GDF5: variants seen among roughly 807,000 people sequenced by gnomAD.
GDF5 encodes growth differentiation factor 5.
A neutral mutation model predicts 34.6 loss-of-function variants in GDF5; 17 were observed. The ratio of observed to expected loss-of-function variants is 0.49; its 90% confidence interval spans 0.34 to 0.74. The LOEUF (loss-of-function observed/expected upper bound fraction) is 0.74, where lower values mean the gene tolerates loss of function less well. GDF5 is among the 30% of genes least tolerant of loss of function. The pLI is 0.01. For missense variants in GDF5, 616 were observed against 661.2 expected (o/e 0.93, Z 0.75); for synonymous variants, 332 against 290.7 (o/e 1.14, Z -1.44).
In GDF5 at chr20:35,434,692, G is replaced by C. The variant is rs759496800; in HGVS notation, c.723C>G (p.Ile241Met). 10 of 1,612,958 alleles carry C rather than the reference G, an allele frequency of 6.2e-6. No individual in the cohort carries two copies. The South Asian group carries it at 9.9e-5, about 16-fold the overall frequency. Reference sequence around the variant, plus strand: ...CCGTGTCCGAGGGCTTCTTCCGCAAGATCCGCAGCTCGGCCCCCAGCAGCC... The same window carrying C: ...CCGTGTCCGAGGGCTTCTTCCGCAACATCCGCAGCTCGGCCCCCAGCAGCC... Reference protein sequence around the residue: ...KDGLLGAELRILRKKPSDTAK... With the variant: ...KDGLLGAELRMLRKKPSDTAK... Residue 241 changes from isoleucine to methionine, a missense_variant, in exon 2 of 2, where the codon ATC (isoleucine) becomes ATG (methionine). By Grantham distance (10) the Ile-to-Met change is conservative. Transcript: ENST00000374369.
intron 1 of GDF5, among the ~76,000 whole-genome samples, chr20:35,436,099 C>T (rs1007851469): frequency 1.1e-4 from 16 of 152,178 alleles, no homozygotes; most frequent in African/African-American, 3.9e-4. Flanking sequence ...ATCAGCATGC[C>T]CTCCTTCCTA....
chr20:35,443,861 G>T (rs2062505892), intron 1 of GDF5, among the ~76,000 whole-genome samples: 2 of 152,168 alleles, frequency 1.3e-5, no homozygotes, highest in East Asian at 3.9e-4. Flanking sequence ...TGAGTAAACA[G>T]TGAACTGAGT....
chr20:35,435,450 TAAAAAAAAAAAAAAAAAAAAAAAAAAAAA>T lies in GDF5; in HGVS notation c.632-696_632-668del, dbSNP rs398035630. 9.3e-3 allele frequency: 251 copies of T among 26,976 alleles called. 3 individuals carry two copies. Among genetic ancestry groups the T allele is most frequent in the African/African-American group, 0.034 (234 of 6,980 alleles). The allele number at this position is 26,976 out of a possible 1,614,324, so 1.7% of individuals were successfully genotyped here. A position where few individuals can be genotyped will look rare whatever the true frequency, so the allele number is the denominator to read the frequency against. On this transcript the variant is annotated intron_variant, in intron 1 of 1. Transcript: ENST00000374369. ...CTGGGCAACAGAGAAAGACCCTGGC[TAAAAAAAAAAAAAAAAAAAAAAAAAAAAA>T]AAAAAAAAAAAAAAAAAAATACACG...
upstream of GDF5, among the ~76,000 whole-genome samples, chr20:35,438,824 C>CGCGTGTGTGTGTGTGT (rs1196886737): frequency 7.9e-6 from 1 of 126,406 alleles, no homozygotes; most frequent in Admixed American, 8.4e-5. Flanking sequence ...ATTTGTTATG[C>CGCGTGTGTGTGTGTGT]GTGTGTGTGT....
rs1236978466 is a variant in GDF5, at chr20:35,438,207, GC to G, written c.-280del. On this transcript the variant is annotated 5_prime_UTR_variant, in exon 1 of 2. Coordinates refer to ENST00000374369, the MANE Select transcript of GDF5 (RefSeq NM_000557.5). ...CGTTCTTGAAAGGAGAAAGCCGACCGCCCCCTTTCTCCTGCACAACTGACTG... is the reference window on the plus strand; with the variant it reads ...CGTTCTTGAAAGGAGAAAGCCGACCGCCCCTTTCTCCTGCACAACTGACTG... 4 of 502,080 alleles carry G rather than the reference GC, an allele frequency of 8.0e-6. No individual in the cohort carries two copies. Among genetic ancestry groups the G allele is most frequent in the African/African-American group, 1.9e-5 (1 of 51,966 alleles). The allele number at this position is 502,080 out of a possible 1,614,324, so 31.1% of individuals were successfully genotyped here.
In GDF5 at chr20:35,433,808, G is replaced by A; in HGVS notation, c.*101C>T. ...TGGAATCCCCTTTCACCCAAGCTGT[G>A]TAGATGCTCCTGCCACAGCTTCCTG... is the stretch of plus-strand genomic sequence containing the variant. On this transcript the variant is annotated 3_prime_UTR_variant, in exon 2 of 2. Coordinates refer to ENST00000374369, the MANE Select transcript of GDF5 (RefSeq NM_000557.5). 1.0e-6 allele frequency: 1 copy of A among 1,001,044 alleles called. No individual in the cohort carries two copies. The highest frequency in any genetic ancestry group is 2.4e-5 in the East Asian group (1 of 42,202). 62.0% of individuals were successfully genotyped at this position (1,001,044 alleles called of 1,614,324 possible).
chr20:35,437,578 A>C lies in GDF5; in HGVS notation c.351T>G (p.Ala117=). 1 of 1,614,108 alleles carries C rather than the reference A, an allele frequency of 6.2e-7. No homozygotes were observed. Among genetic ancestry groups the C allele is most frequent in the East Asian group, 2.2e-5 (1 of 44,866 alleles). Residue 117 remains alanine (A), a synonymous_variant, in exon 1 of 2, where the codon GCT becomes GCG. Coordinates refer to ENST00000374369, the MANE Select transcript of GDF5 (RefSeq NM_000557.5). ...KPGHPPQTRQ[A]TARTVTPKGQ... The stretch of plus-strand genomic sequence containing the variant: ...CTTTTGGGGTCACAGTCCGGGCTGT[A>C]GCCTGCCTTGTTTGGGGAGGGTGTC...
Position 35,437,397 on chromosome 20 carries a change from T to C in GDF5, c.532A>G (p.Arg178Gly), listed in dbSNP as rs1568733322. ...TTTCTGTCAGCATCGGACAGCGTCC[T>C]GTACAGCGAGAGCATGTACTCGTGG... is the stretch of plus-strand genomic sequence containing the variant. ...TPHEYMLSLYRTLSDADRKGG... is the reference protein window; with the variant it reads ...TPHEYMLSLYGTLSDADRKGG... The change falls in exon 1 of 2, where the codon AGG becomes GGG. Residue 178 changes from arginine (R) to glycine (G), a missense_variant. Physicochemically the swap from Arg to Gly is moderately radical, Grantham distance 125. Transcript: ENST00000374369. The C allele has an allele frequency of 6.2e-7, 1 of 1,613,626 alleles. No homozygotes were observed. The highest frequency in any genetic ancestry group is 2.2e-5 in the East Asian group (1 of 44,868).
At chr20:35,447,535 G>T (rs78332586) in intron 1 of GDF5, among the ~76,000 whole-genome samples, 2,045 of 152,290 alleles carry the variant, frequency 0.013, 56 homozygotes, top group African/African-American at 0.047. Flanking sequence ...GTGTCTGTCT[G>T]TTGTGGGTAG....
intron 1 of GDF5, among the ~76,000 whole-genome samples, chr20:35,452,776 T>C (rs2062538410): frequency 6.6e-6 from 1 of 152,170 alleles, no homozygotes. Context: ...TGTTATGTCA[T>C]TAAACTTTGT....
Position 35,433,905 on chromosome 20 carries a change from G to A in GDF5, c.*4C>T. On this transcript the variant is annotated 3_prime_UTR_variant, in exon 2 of 2. Transcript: ENST00000374369. ...CCACCCAGGAAGACAGAGGGCCAGT[G>A]CTGCTACCTGCAGCCACACGACTCC... The A allele has an allele frequency of 6.2e-7, 1 of 1,612,522 alleles. No individual in the cohort carries two copies. Among genetic ancestry groups the A allele is most frequent in the Non-Finnish European group, 8.5e-7 (1 of 1,178,562 alleles).
chr20:35,437,181 C>T (rs1164036339), intron 1 of GDF5, 117 bp downstream of exon 1: 1 of 767,018 alleles, frequency 1.3e-6, no homozygotes, highest in Non-Finnish European at 2.2e-6. Context: ...AGACACCCAC[C>T]CCGGGCCAGA....
In GDF5 at chr20:35,434,195, A is replaced by G; in HGVS notation, c.1220T>C (p.Val407Ala). The G allele has an allele frequency of 6.2e-7, 1 of 1,614,148 alleles. No homozygotes were observed. The highest frequency in any genetic ancestry group is 8.5e-7 in the Non-Finnish European group (1 of 1,180,000). ...GTCCCAGCCCATGTCCTTGAAGTTG[A>G]CATGCAGTGCCTTCCGACTGCAGCG... ...KARCSRKALH[V>A]NFKDMGWDDW... Residue 407 changes from valine (V) to alanine (A), a missense_variant, in exon 2 of 2, where the codon GTC (valine) becomes GCC (alanine). By Grantham distance (64) the Val-to-Ala change is moderately conservative (BLOSUM62 0). Transcript: ENST00000374369.
In GDF5 at chr20:35,433,763, C is replaced by CA; in HGVS notation, c.*145dup. On this transcript the variant is annotated 3_prime_UTR_variant, in exon 2 of 2. Transcript: ENST00000374369. ...GGGGGCCTTTAGCCCAAGTCACACT[C>CA]AGAGAGCGAGCAAGCTTATTGGAAT... is the stretch of plus-strand genomic sequence containing the variant. 1 of 790,154 alleles carries CA rather than the reference C, an allele frequency of 1.3e-6. No homozygotes were observed. The highest frequency in any genetic ancestry group is 2.2e-6 in the Non-Finnish European group (1 of 448,332). 48.9% of individuals were successfully genotyped at this position (790,154 alleles called of 1,614,324 possible). A position where few individuals can be genotyped will look rare whatever the true frequency, so the allele number is the denominator to read the frequency against.
chr20:35,444,239 A>G (rs531449670), intron 1 of GDF5, among the ~76,000 whole-genome samples: 25 of 152,330 alleles, frequency 1.6e-4, no homozygotes, highest in Non-Finnish European at 2.9e-4. Context: ...GAAGAGACAG[A>G]GGAACAAACA....
intron 1 of GDF5, among the ~76,000 whole-genome samples, chr20:35,447,005 A>G: frequency 6.6e-6 from 1 of 151,884 alleles, no homozygotes; most frequent in South Asian, 2.1e-4. Context: ...TTATACTTTA[A>G]GTTCTAGGGT....
At chr20:35,435,987 C>T (rs546842813) in intron 1 of GDF5, among the ~76,000 whole-genome samples, 5 of 151,938 alleles carry the variant, frequency 3.3e-5, no homozygotes, top group East Asian at 3.9e-4. Context: ...TGATTCAGCA[C>T]GTGTGTGTGT....
chr20:35,446,380 G>C lies in GDF5; in HGVS notation c.-397-4993C>G, dbSNP rs190108010. Among the ~76,000 whole-genome samples the C allele has an allele frequency of 4.0e-5, 6 of 150,966 alleles. No homozygotes were observed. The East Asian group carries it at 1.2e-3, about 29-fold the overall frequency. Reference sequence around the variant, plus strand: ...GAATTAATGTGTTTATATATGTAAAGTACCTTTCAATGACCAAAATACAGT... The same window carrying C: ...GAATTAATGTGTTTATATATGTAAACTACCTTTCAATGACCAAAATACAGT... On this transcript the variant is annotated intron_variant, in intron 1 of 3. Coordinates refer to the GDF5 transcript ENST00000374372.
At chr20:35,451,962 T>C (rs1401516531) in intron 1 of GDF5, among the ~76,000 whole-genome samples, 2 of 152,142 alleles carry the variant, frequency 1.3e-5, no homozygotes, top group African/African-American at 2.4e-5. Context: ...GGCAGCACAG[T>C]AGGAGTTGAG....
Sources: gnomAD v4.1 joint callset for allele counts (sites outside exome capture counted in the v4.1 genomes callset) on GRCh38, gnomAD v4.1.1 for gene constraint, MANE v1.5 for transcripts, NCBI Gene and HGNC (gene_info 2026-07-23, HGNC 2026-07-21) for gene names.